Variants in ATG10 observed in about 807,000 individuals in gnomAD.
The protein encoded by ATG10 is autophagy related 10.
Under a neutral mutation model 32.1 loss-of-function variants are expected in ATG10, and 30 were observed. The observed-to-expected ratio is 0.94, with a 90% confidence interval of 0.70 to 1.27. The LOEUF (loss-of-function observed/expected upper bound fraction) is 1.27. Ranked by LOEUF, ATG10 falls within the 50% of genes most tolerant of loss-of-function variation. The pLI is 0.00. For synonymous variants in ATG10, 87 were observed against 91.5 expected, an observed-to-expected ratio of 0.95 and a Z score of 0.28; for missense variants, 233 against 262.3, an observed-to-expected ratio of 0.89 and a Z score of 0.77.
intron 3 of ATG10, among the ~76,000 whole-genome samples, chr5:82,159,454 G>A (rs1743218067): frequency 6.6e-6 from 1 of 152,168 alleles, no homozygotes; most frequent in Non-Finnish European, 1.5e-5. Flanking sequence ...GTATCTGCAA[G>A]ATGAGCATGT....
chr5:82,037,034 G>A (rs1021528222), intron 2 of ATG10, among the ~76,000 whole-genome samples: 1 of 148,152 alleles, frequency 6.7e-6, no homozygotes, highest in Admixed American at 6.8e-5. Flanking sequence ...GGGAGGCTGA[G>A]GCGGGAGAAT....
intron 3 of ATG10, among the ~76,000 whole-genome samples, chr5:82,157,599 A>G (rs762624352): frequency 6.6e-6 from 1 of 152,244 alleles, no homozygotes. Flanking sequence ...GATTATTTTT[A>G]TAATTCACTT....
intron 3 of ATG10, among the ~76,000 whole-genome samples, chr5:82,113,423 A>G (rs1484384881): frequency 1.3e-5 from 2 of 152,018 alleles, no homozygotes; most frequent in Non-Finnish European, 2.9e-5. Flanking sequence ...TATTATATAA[A>G]AAGTCAAATT....
intron 2 of ATG10, among the ~76,000 whole-genome samples, chr5:82,015,346 T>C (rs1462477325): frequency 6.6e-6 from 1 of 152,232 alleles, no homozygotes; most frequent in East Asian, 1.9e-4. Flanking sequence ...TGGCATTCTC[T>C]GTATTTCCTG....
intron 3 of ATG10, among the ~76,000 whole-genome samples, chr5:82,110,562 A>AT (rs1259667953): frequency 6.6e-6 from 1 of 152,014 alleles, no homozygotes; most frequent in Non-Finnish European, 1.5e-5. Context: ...GATGATGAGC[A>AT]TTTTTTCATG....
At chr5:82,226,592 T>G (rs1746141958) in intron 5 of ATG10, among the ~76,000 whole-genome samples, 1 of 152,230 alleles carries the variant, frequency 6.6e-6, no homozygotes, top group South Asian at 2.1e-4. Flanking sequence ...TACAATGATA[T>G]ATAACTTGTA....
At chr5:82,248,432 T>A (rs114653666) in intron 5 of ATG10, among the ~76,000 whole-genome samples, 233 of 152,260 alleles carry the variant, frequency 1.5e-3, no homozygotes, top group African/African-American at 5.2e-3. Context: ...AAAACTTCTG[T>A]TGATGGAGTG....
chr5:82,116,141 T>C (rs1013510398), intron 3 of ATG10, among the ~76,000 whole-genome samples: 2 of 152,092 alleles, frequency 1.3e-5, no homozygotes, highest in African/African-American at 2.4e-5. Context: ...TGTAATAATA[T>C]AGAATTTTTG....
chr5:82,086,651 T>G (rs1764706488), intron 3 of ATG10, among the ~76,000 whole-genome samples: 1 of 152,194 alleles, frequency 6.6e-6, no homozygotes, highest in African/African-American at 2.4e-5. Flanking sequence ...TCTTATAACC[T>G]GTCCTTGGAA....
intron 5 of ATG10, among the ~76,000 whole-genome samples, chr5:82,182,456 T>A (rs970183663): frequency 7.2e-5 from 11 of 152,090 alleles, no homozygotes; most frequent in African/African-American, 2.7e-4. Context: ...TAGCTCAAAA[T>A]GGAAAAAAAC....
At chr5:82,030,466 T>C (rs191810419) in intron 2 of ATG10, among the ~76,000 whole-genome samples, 1 of 152,302 alleles carries the variant, frequency 6.6e-6, no homozygotes, top group East Asian at 1.9e-4. Flanking sequence ...TATTGAACAA[T>C]AACATTCTTA....
At chr5:82,047,998 T>C (rs577627076) in intron 2 of ATG10, among the ~76,000 whole-genome samples, 1 of 150,268 alleles carries the variant, frequency 6.7e-6, no homozygotes, top group South Asian at 2.1e-4. Context: ...TGCTTGTTTT[T>C]CTCAGGTTTG....
chr5:82,230,455 T>C (rs1746311914), intron 5 of ATG10, among the ~76,000 whole-genome samples: 2 of 152,002 alleles, frequency 1.3e-5, no homozygotes, highest in African/African-American at 4.8e-5. Flanking sequence ...ATAAACTGGC[T>C]GGGCACGGTG....
At chr5:82,016,884 G>A (rs559065407) in intron 2 of ATG10, among the ~76,000 whole-genome samples, 1 of 151,878 alleles carries the variant, frequency 6.6e-6, no homozygotes, top group Non-Finnish European at 1.5e-5. Flanking sequence ...TAGAGACAGG[G>A]TTTCACCGTG....
intron 3 of ATG10, among the ~76,000 whole-genome samples, chr5:82,099,996 CTG>C (rs1765205515): frequency 1.1e-5 from 1 of 88,622 alleles, no homozygotes; most frequent in Non-Finnish European, 2.3e-5. Flanking sequence ...CTTTCTTTTT[CTG>C]TGTTTTTTTT....
chr5:82,152,070 C>A (rs1262978065), intron 3 of ATG10, among the ~76,000 whole-genome samples: 1 of 152,202 alleles, frequency 6.6e-6, no homozygotes, highest in Non-Finnish European at 1.5e-5. Flanking sequence ...CATATTCAAT[C>A]AAATTGCTCT....
intron 3 of ATG10, among the ~76,000 whole-genome samples, chr5:82,070,064 A>G (rs6867732): frequency 1.3e-3 from 193 of 152,320 alleles, no homozygotes; most frequent in African/African-American, 4.4e-3. Context: ...AGCTTCATGC[A>G]GTTCAAGCTA....
At chr5:81,993,360 C>CCTCTTTTCTT in intron 2 of ATG10, among the ~76,000 whole-genome samples, 1 of 46,772 alleles carries the variant, frequency 2.1e-5, no homozygotes, top group East Asian at 6.4e-4. Context: ...TCTTTCTTTC[C>CCTCTTTTCTT]TTCTTTTCTT....
chr5:82,111,032 T>G (rs906202052), intron 3 of ATG10, among the ~76,000 whole-genome samples: 5 of 151,994 alleles, frequency 3.3e-5, no homozygotes, highest in African/African-American at 7.2e-5. Flanking sequence ...AGTTATGGTT[T>G]TAGGATACAT....
Sources: gnomAD v4.1 joint callset for allele counts (sites outside exome capture counted in the v4.1 genomes callset) on GRCh38, gnomAD v4.1.1 for gene constraint, MANE v1.5 for transcripts, NCBI Gene and HGNC (gene_info 2026-07-23, HGNC 2026-07-21) for gene names.